The following HEPHL1 variants were observed in gnomAD, a reference collection of about 807,000 sequenced individuals.
The protein encoded by HEPHL1 is ferroxidase HEPHL1.
Under a neutral mutation model 122.0 loss-of-function variants are expected in HEPHL1, and 123 were observed. The ratio of observed to expected loss-of-function variants is 1.01; its 90% CI spans 0.87 to 1.17. HEPHL1 has a LOEUF of 1.17. HEPHL1 is among the 50% of genes most tolerant of loss of function. The probability of loss-of-function intolerance (pLI) is 0.00; values close to 1 mark genes in which losing one functional copy is unlikely to be tolerated. For synonymous variants in HEPHL1, 527 were observed against 508.9 expected (o/e 1.04, Z -0.48); for missense variants, 1,452 against 1,430.5 (o/e 1.01, Z -0.24).
chr11:94,082,506 T>C lies in HEPHL1; in HGVS notation c.1805T>C (p.Ile602Thr). ...TTTGATGAAAACATTCAGAAGTTTATCTGGCATCCCTTCAGCATTGACAAA... is the reference window on the plus strand; with the variant it reads ...TTTGATGAAAACATTCAGAAGTTTACCTGGCATCCCTTCAGCATTGACAAA... ...RYFDENIQKF[I>T]WHPFSIDKED... is the part of the protein sequence containing the mutation. Residue 602 changes from isoleucine to threonine, a missense_variant, in exon 10 of 20, where the codon ATC becomes ACC. Physicochemically the swap from Ile to Thr is moderately conservative, Grantham distance 89. Transcript: ENST00000315765. The C allele has an allele frequency of 6.2e-7, 1 of 1,613,530 alleles. No individual in the cohort carries two copies. The highest frequency in any genetic ancestry group is 8.5e-7 in the Non-Finnish European group (1 of 1,179,542).
At chr11:94,046,090 G>GTTTTTTT (rs1945833960) in intron 2 of HEPHL1, among the ~76,000 whole-genome samples, 173 bp downstream of exon 2, 12 of 6,986 alleles carry the variant, frequency 1.7e-3, no homozygotes, top group Admixed American at 4.5e-3. Flanking sequence ...TCCCTTTCTT[G>GTTTTTTT]CTTTTTTTTT....
At chr11:94,106,909 T>C (rs1946414082) in intron 17 of HEPHL1, among the ~76,000 whole-genome samples, 1 of 152,214 alleles carries the variant, frequency 6.6e-6, no homozygotes, top group South Asian at 2.1e-4. Flanking sequence ...TTTGCCCTAG[T>C]GAGCTGGGCT....
intron 9 of HEPHL1, among the ~76,000 whole-genome samples, chr11:94,077,117 G>A (rs1391638050): frequency 2.6e-5 from 4 of 152,168 alleles, no homozygotes; most frequent in Admixed American, 6.5e-5. Flanking sequence ...CTGTTTGAGA[G>A]TAGGTTGTAG....
chr11:94,030,257 G>A (rs1385146329), intron 1 of HEPHL1, among the ~76,000 whole-genome samples: 2 of 152,196 alleles, frequency 1.3e-5, no homozygotes, highest in African/African-American at 4.8e-5. Context: ...CAACTCTGAG[G>A]CTTATTAGCA....
At chr11:94,110,857 G>A (rs1294510486) in intron 17 of HEPHL1, 46 bp from the exon 18 acceptor site, 2 of 1,524,714 alleles carry the variant, frequency 1.3e-6, no homozygotes, top group South Asian at 1.2e-5. Context: ...TTGCTGTTCT[G>A]AGCAAAGAAG....
Position 94,112,042 on chromosome 11 carries a change from A to G in HEPHL1, c.*148A>G, listed in dbSNP as rs566447091. On this transcript the variant is annotated 3_prime_UTR_variant, in exon 20 of 20. Coordinates refer to ENST00000315765, the MANE Select transcript of HEPHL1 (RefSeq NM_001098672.2). ...CTTCTGATCCTCTCAAACATCATCCAAAGCAATTTGCTTTTATTTATTTAT... is the reference window on the plus strand; with the variant it reads ...CTTCTGATCCTCTCAAACATCATCCGAAGCAATTTGCTTTTATTTATTTAT... 1 of 502,064 alleles carries G rather than the reference A, an allele frequency of 2.0e-6. No individual in the cohort carries two copies. The highest frequency in any genetic ancestry group is 3.4e-6 in the Non-Finnish European group (1 of 290,700). 31.1% of individuals were successfully genotyped at this position (502,064 alleles called of 1,614,324 possible). A position where few individuals can be genotyped will look rare whatever the true frequency, so the allele number is the denominator to read the frequency against.
At chr11:94,035,648 C>A (rs182749380) in intron 1 of HEPHL1, among the ~76,000 whole-genome samples, 3 of 152,130 alleles carry the variant, frequency 2.0e-5, no homozygotes, top group Non-Finnish European at 4.4e-5. Context: ...AGGGGTCATG[C>A]GGGGTGATAG....
chr11:94,094,013 T>TATATATATATATATATATAA (rs1485344204), intron 13 of HEPHL1, among the ~76,000 whole-genome samples: 2 of 121,696 alleles, frequency 1.6e-5, no homozygotes, highest in Non-Finnish European at 3.2e-5. Flanking sequence ...TATATATATA[T>TATATATATATATATATATAA]AAAACTTTAA....
At chr11:94,044,540 G>A (rs922397029) in intron 1 of HEPHL1, among the ~76,000 whole-genome samples, 5 of 151,978 alleles carry the variant, frequency 3.3e-5, no homozygotes, top group Non-Finnish European at 7.4e-5. Context: ...GTCTATCTCC[G>A]GAACTTACCT....
At chr11:94,056,691 A>ATCTATCTATCTATCTG (rs1945940187) in intron 2 of HEPHL1, among the ~76,000 whole-genome samples, 1 of 151,786 alleles carries the variant, frequency 6.6e-6, no homozygotes, top group Admixed American at 6.6e-5. Context: ...CTATCTATCT[A>ATCTATCTATCTATCTG]TCTATCTATC....
chr11:94,093,549 G>C lies in HEPHL1; in HGVS notation c.2343G>C (p.Gln781His). The change falls in exon 13 of 20, where the codon CAG becomes CAC. Residue 781 changes from glutamine (Q) to histidine (H), a missense_variant. Physicochemically the swap from Gln to His is conservative, Grantham distance 24. Transcript: ENST00000315765. ...GCACTGAAAATTGGATTGGCTCTCA[G>C]TACAAGAAGGTGGTTTACAGGGAAT... The part of the protein sequence containing the change: ...MNRTENWIGS[Q>H]YKKVVYREYT... The C allele has an allele frequency of 6.2e-7, 1 of 1,613,768 alleles. No individual in the cohort carries two copies. The highest frequency in any genetic ancestry group is 1.1e-5 in the South Asian group (1 of 91,070).
rs891943528 is a variant in HEPHL1 at position 94,101,225 on chromosome 11, C to T, written c.2465C>T (p.Thr822Ile). The change falls in exon 14 of 20, where the codon ACC becomes ATC. Residue 822 changes from threonine to isoleucine, a missense_variant. Thr to Ile is a moderately conservative substitution (Grantham distance 89, BLOSUM62 -1). Coordinates refer to ENST00000315765, the MANE Select transcript of HEPHL1 (RefSeq NM_001098672.2). ...GPMIHAEVGN[T>I]VLIIFKNKAS... is the part of the protein sequence containing the mutation. The stretch of plus-strand genomic sequence containing the variant: ...ATGATTCATGCTGAGGTGGGCAACA[C>T]CGTCCTGATCATATTTAAGAACAAA... The T allele has an allele frequency of 1.7e-5, 28 of 1,613,860 alleles. No individual in the cohort carries two copies. Among genetic ancestry groups the T allele is most frequent in the African/African-American group, 2.7e-5 (2 of 74,922 alleles).
chr11:94,031,759 A>C (rs1591460757), intron 1 of HEPHL1, among the ~76,000 whole-genome samples: 1 of 152,304 alleles, frequency 6.6e-6, no homozygotes, highest in African/African-American at 2.4e-5. Flanking sequence ...TTCTTGTCCC[A>C]GGACCTCCTC....
chr11:94,050,678 C>T (rs904598700), intron 2 of HEPHL1, among the ~76,000 whole-genome samples: 7 of 152,094 alleles, frequency 4.6e-5, no homozygotes, highest in African/African-American at 1.7e-4. Flanking sequence ...TCCAATTATA[C>T]TCTTTTCGTT....
At chr11:94,044,925 AT>A (rs200512814) in intron 1 of HEPHL1, among the ~76,000 whole-genome samples, 3,180 of 151,230 alleles carry the variant, frequency 0.021, 112 homozygotes, top group African/African-American at 0.074. Flanking sequence ...ATGCCTGGCT[AT>A]TTTTTTTAAG....
rs1044931835 is a variant in HEPHL1, at chr11:94,070,520, C to G, written c.1210C>G (p.Leu404Val). 1.2e-6 allele frequency: 2 copies of G among 1,610,688 alleles called. No individual in the cohort carries two copies. Among genetic ancestry groups the G allele is most frequent in the African/African-American group, 2.7e-5 (2 of 74,824 alleles). Residue 404 changes from leucine to valine, a missense_variant, in exon 6 of 20, where the codon CTT (leucine) becomes GTT (valine). By Grantham distance (32) the Leu-to-Val change is conservative. Transcript: ENST00000315765. ...APQGYNKFSG[L>V]PLNASGSDSD... The stretch of plus-strand genomic sequence containing the variant: ...TCAAGGCTATAACAAATTCAGTGGT[C>G]TTCCTCTAAACGCCTCTGGCAGGTA...
At chr11:94,022,623 C>A (rs1945591976) in intron 1 of HEPHL1, among the ~76,000 whole-genome samples, 1 of 152,186 alleles carries the variant, frequency 6.6e-6, no homozygotes, top group Non-Finnish European at 1.5e-5. Context: ...GAAGCCTGTG[C>A]CAGACAAGCT....
At chr11:94,024,909 C>A (rs1945611437) in intron 1 of HEPHL1, among the ~76,000 whole-genome samples, 1 of 152,128 alleles carries the variant, frequency 6.6e-6, no homozygotes, top group Non-Finnish European at 1.5e-5. Flanking sequence ...CATTCAAAAT[C>A]ATTGAAGTAA....
intron 10 of HEPHL1, 21 bp downstream of exon 10, chr11:94,082,589 G>T (rs761444838): frequency 6.3e-7 from 1 of 1,592,200 alleles, no homozygotes; most frequent in Non-Finnish European, 8.6e-7. Flanking sequence ...TGACATTCCC[G>T]CCTGTAAATG....
Sources: allele counts gnomAD v4.1 joint callset (sites outside exome capture counted in the v4.1 genomes callset), GRCh38; gene constraint gnomAD v4.1.1; transcripts MANE v1.5; gene names NCBI Gene and HGNC (gene_info 2026-07-23, HGNC 2026-07-21).